Variants in PLEKHA4 observed in about 807,000 individuals in gnomAD.
PLEKHA4 encodes pleckstrin homology domain containing A4.
A neutral mutation model predicts 94.7 loss-of-function variants in PLEKHA4; 73 were observed. The observed-to-expected ratio is 0.77, with a 90% CI of 0.64 to 0.94. The LOEUF is 0.94. Among genes scored for constraint, PLEKHA4 ranks in the 40% least tolerant of loss-of-function variants. PLEKHA4 has a pLI of 0.00. For missense variants in PLEKHA4, 1,049 were observed against 1,054.1 expected, an observed-to-expected ratio of 1.00 and a Z score of 0.07; for synonymous variants, 449 against 437.1, an observed-to-expected ratio of 1.03 and a Z score of -0.34.
chr19:48,859,767 ATGCACCC>A, intron 6 of PLEKHA4, 83 bp from the exon 7 acceptor site: 2 of 1,300,504 alleles, frequency 1.5e-6, no homozygotes, highest in Admixed American at 2.3e-5. Context: ...GAACACAAGG[ATGCACCC>A]AAAAAAGGAA....
In PLEKHA4 at chr19:48,859,064, G is replaced by A. The variant is rs778860678; in HGVS notation, c.768C>T (p.Pro256=). ...GTGCTGTGTCTCCTGAGGGGGCAGG[G>A]GGTCGCCGCGCAGGGGCAGAACGGG... ...PRPRSAPARR[P]PAPSGDTAPP... The change falls in exon 8 of 20, where the codon CCC becomes CCT. Residue 256 remains proline (P), a synonymous_variant. Transcript: ENST00000263265. 2.0e-6 allele frequency: 3 copies of A among 1,467,198 alleles called. No individual in the cohort carries two copies. The highest frequency in any genetic ancestry group is 5.0e-5 in the East Asian group (2 of 40,160). 90.9% of individuals were successfully genotyped at this position (1,467,198 alleles called of 1,614,324 possible).
chr19:48,853,626 C>T (rs2036287085), intron 12 of PLEKHA4, 56 bp downstream of exon 12: 27 of 1,414,290 alleles, frequency 1.9e-5, no homozygotes, highest in Admixed American at 1.5e-4. Context: ...CCCTTCGTAA[C>T]GACTTGCATA....
intron 13 of PLEKHA4, among the ~76,000 whole-genome samples, chr19:48,851,618 CT>C (rs2036192030): frequency 6.6e-6 from 1 of 150,502 alleles, no homozygotes; most frequent in Admixed American, 6.7e-5. Flanking sequence ...CTCTGTCCCC[CT>C]CCCCCTCAAA....
intron 3 of PLEKHA4, among the ~76,000 whole-genome samples, chr19:48,865,145 ACCG>A: frequency 6.6e-6 from 1 of 151,822 alleles, no homozygotes; most frequent in Non-Finnish European, 1.5e-5. Context: ...GGAGTTTCAG[ACCG>A]CCCTGGCCAA....
chr19:48,860,242 G>C, intron 6 of PLEKHA4, 108 bp downstream of exon 6: 3 of 903,814 alleles, frequency 3.3e-6, no homozygotes, highest in Non-Finnish European at 5.2e-6. Flanking sequence ...TTAGCTAGAA[G>C]ACTGGTGATT....
At chr19:48,849,968 T>C (rs2036117185) in intron 13 of PLEKHA4, among the ~76,000 whole-genome samples, 1 of 152,102 alleles carries the variant, frequency 6.6e-6, no homozygotes, top group South Asian at 2.1e-4. Context: ...ATCCCAGCAC[T>C]TTGGGAGGCC....
rs543570908 is a variant in PLEKHA4 at position 48,837,787 on chromosome 19, G to A, written c.2077+230C>T. Among the ~76,000 whole-genome samples, 1 of 150,564 alleles carries A rather than the reference G, an allele frequency of 6.6e-6. No homozygotes were observed. The highest frequency in any genetic ancestry group is 2.1e-4 in the South Asian group (1 of 4,730). Reference sequence around the variant, plus strand: ...GTCCAGTCCTCTTTGAGACTCAGTTGTCGGCCCTCTCCCCGCCCCCTGACC... The same window carrying A: ...GTCCAGTCCTCTTTGAGACTCAGTTATCGGCCCTCTCCCCGCCCCCTGACC... On this transcript the variant is annotated intron_variant, in intron 19 of 19. Transcript: ENST00000263265. The surrounding 1 kb of genome is among the most constrained non-coding windows in gnomAD (Gnocchi z 4.3).
At chr19:48,855,250 A>G (rs1168530958) in intron 9 of PLEKHA4, among the ~76,000 whole-genome samples, 3 of 152,108 alleles carry the variant, frequency 2.0e-5, no homozygotes, top group African/African-American at 7.2e-5. Context: ...ACTTGAGCCC[A>G]GGAGTTAAAG....
intron 18 of PLEKHA4, 51 bp from the exon 19 acceptor site, chr19:48,838,180 T>G (rs1430181696): frequency 2.1e-4 from 157 of 732,758 alleles, no homozygotes; most frequent in Middle Eastern, 8.5e-4. Context: ...GGGGGAGAGG[T>G]GGGGGATGGT....
intron 6 of PLEKHA4, 60 bp from the exon 7 acceptor site, chr19:48,859,744 T>G: frequency 1.6e-4 from 226 of 1,454,922 alleles, no homozygotes; most frequent in Non-Finnish European, 1.9e-4. Flanking sequence ...CCCTATTCTC[T>G]TGTCACAGGT....
intron 14 of PLEKHA4, 146 bp from the exon 15 acceptor site, chr19:48,845,762 C>T: frequency 3.2e-6 from 2 of 628,136 alleles, no homozygotes; most frequent in Non-Finnish European, 2.5e-6. Flanking sequence ...CACCTGTAAT[C>T]CCAGCGCTTT....
At position 48,838,018 on chromosome 19, in the gene PLEKHA4, T is replaced by C; in HGVS notation, c.2076A>G (p.Thr692=). The change falls in exon 19 of 20, where the codon ACA becomes ACG. Residue 692 remains threonine, a splice_region_variant and synonymous_variant. Coordinates refer to ENST00000263265, the MANE Select transcript of PLEKHA4 (RefSeq NM_020904.3). ...AGTCCAACATCCCCAGCCAGTCACC[T>C]GTCATCATTCTGTGCCACTGCGACG... is the stretch of plus-strand genomic sequence containing the variant. ...TEASQWHRMM[T]GGNLDSQGDP... The C allele has an allele frequency of 4.4e-6, 7 of 1,609,062 alleles. No individual in the cohort carries two copies. The highest frequency in any genetic ancestry group is 5.1e-6 in the Non-Finnish European group (6 of 1,175,806).
chr19:48,858,940 G>A lies in PLEKHA4; in HGVS notation c.892C>T (p.Arg298Cys), dbSNP rs765995329. The change falls in exon 8 of 20, where the codon CGC becomes TGC. Residue 298 changes from arginine to cysteine, a missense_variant. Arg to Cys is a radical substitution (Grantham distance 180). Transcript: ENST00000263265. Reference protein sequence around the residue: ...RQTLSRPPTPRRGPPSEAGGG... With the variant: ...RQTLSRPPTPCRGPPSEAGGG... ...CCAGCCTCAGAGGGAGGTCCTCGGCGGGGAGTAGGGGGTCGGGAGAGGGTC... is the reference window on the plus strand; with the variant it reads ...CCAGCCTCAGAGGGAGGTCCTCGGCAGGGAGTAGGGGGTCGGGAGAGGGTC... 23 of 1,598,102 alleles carry A rather than the reference G, an allele frequency of 1.4e-5. 1 individual carries two copies. The South Asian group carries it at 2.2e-4, about 16-fold the overall frequency.
intron 17 of PLEKHA4, among the ~76,000 whole-genome samples, 163 bp from the exon 18 acceptor site, chr19:48,839,426 A>T (rs1224584904): frequency 1.3e-5 from 2 of 152,086 alleles, no homozygotes; most frequent in Non-Finnish European, 1.5e-5. Flanking sequence ...AATTTTTAAA[A>T]ATTAATTTAT....
Position 48,867,687 on chromosome 19 carries a change from G to A in PLEKHA4, c.-6-61C>T. The A allele has an allele frequency of 2.7e-6, 4 of 1,479,038 alleles. No homozygotes were observed. Among genetic ancestry groups the A allele is most frequent in the Non-Finnish European group, 3.7e-6 (4 of 1,085,436 alleles). The allele number at this position is 1,479,038 out of a possible 1,614,324, so 91.6% of individuals were successfully genotyped here. A position where few individuals can be genotyped will look rare whatever the true frequency, so the allele number is the denominator to read the frequency against. On this transcript the variant is annotated intron_variant, in intron 1 of 19. Coordinates refer to ENST00000263265, the MANE Select transcript of PLEKHA4 (RefSeq NM_020904.3). The surrounding 1 kb of genome is among the most constrained non-coding windows in gnomAD (Gnocchi z 4.7). ...GTGACGGGTGTGAGACAGAGATGGG[G>A]TCAGGGGCTTGGAGGTCGGAGGAGG... is the stretch of plus-strand genomic sequence containing the variant.
At chr19:48,862,332 C>T (rs561770090) in intron 3 of PLEKHA4, among the ~76,000 whole-genome samples, 2 of 151,106 alleles carry the variant, frequency 1.3e-5, no homozygotes, top group African/African-American at 4.9e-5. Flanking sequence ...TCCCGAGTAA[C>T]TGGGATTACA....
chr19:48,843,142 A>G (rs1401697905), intron 16 of PLEKHA4, among the ~76,000 whole-genome samples: 1 of 152,074 alleles, frequency 6.6e-6, no homozygotes, highest in East Asian at 1.9e-4. Flanking sequence ...ACAAGTAAGC[A>G]CAAGAAATGC....
At chr19:48,846,504 C>T (rs545693386) in intron 14 of PLEKHA4, among the ~76,000 whole-genome samples, 4 of 151,974 alleles carry the variant, frequency 2.6e-5, no homozygotes, top group African/African-American at 9.6e-5. Flanking sequence ...AGTGGGTTCA[C>T]GTCTGTAATC....
chr19:48,841,237 C>G lies in PLEKHA4; in HGVS notation c.1817G>C (p.Arg606Pro), dbSNP rs749256632. Residue 606 changes from arginine to proline, a missense_variant, in exon 17 of 20, where the codon CGG becomes CCG. Physicochemically the swap from Arg to Pro is moderately radical, Grantham distance 103. Transcript: ENST00000263265. ...ERMRRNQECGRPFPRPTSPRL... is the reference protein window; with the variant it reads ...ERMRRNQECGPPFPRPTSPRL... ...GGGGGAGGTCGGGCGAGGGAAGGGC[C>G]GTCCACATTCCTGGTTTCTGCGCAT... The G allele has an allele frequency of 1.1e-5, 18 of 1,613,570 alleles. No individual in the cohort carries two copies. The highest frequency in any genetic ancestry group is 1.5e-5 in the Non-Finnish European group (18 of 1,179,876).
Sources: allele counts gnomAD v4.1 joint callset (sites outside exome capture counted in the v4.1 genomes callset), GRCh38; gene constraint gnomAD v4.1.1; non-coding constraint Gnocchi (gnomAD v3.1); transcripts MANE v1.5; gene names NCBI Gene and HGNC (gene_info 2026-07-23, HGNC 2026-07-21).